The following NOS1AP variants were observed in gnomAD, a reference collection of about 807,000 sequenced individuals.
NOS1AP encodes the protein nitric oxide synthase 1 adaptor protein, also known as carboxyl-terminal PDZ ligand of neuronal nitric oxide synthase protein.
NOS1AP carries 21 observed loss-of-function variants against 56.2 expected under a neutral mutation model. The observed-to-expected ratio is 0.37, with a 90% CI of 0.26 to 0.54. The LOEUF (loss-of-function observed/expected upper bound fraction) is 0.54, where lower values mean the gene tolerates loss of function less well. Among genes scored for constraint, NOS1AP ranks in the 20% least tolerant of loss-of-function variants. The pLI is 0.84. For synonymous variants in NOS1AP, 270 were observed against 274.6 expected, an observed-to-expected ratio of 0.98 and a Z score of 0.17; for missense variants, 522 against 657.8, an observed-to-expected ratio of 0.79 and a Z score of 2.26.
chr1:162,357,944 T>G (rs2101822365), intron 8 of NOS1AP, among the ~76,000 whole-genome samples: 1 of 148,646 alleles, frequency 6.7e-6, no homozygotes. Context: ...GTGAAGACAT[T>G]CATTCATACC....
intron 1 of NOS1AP, among the ~76,000 whole-genome samples, chr1:162,118,935 G>A (rs1263553756): frequency 1.3e-5 from 2 of 152,096 alleles, no homozygotes; most frequent in African/African-American, 4.8e-5. Context: ...GTGGAATTTA[G>A]CATATTATTT....
At chr1:162,257,474 C>T (rs1002854722) in intron 2 of NOS1AP, among the ~76,000 whole-genome samples, 8 of 151,962 alleles carry the variant, frequency 5.3e-5, no homozygotes, top group Admixed American at 4.6e-4. Flanking sequence ...CATGACGAAA[C>T]CCTGTCTCTA....
chr1:162,201,484 G>A (rs556993043), intron 2 of NOS1AP, among the ~76,000 whole-genome samples: 2 of 152,250 alleles, frequency 1.3e-5, no homozygotes, highest in African/African-American at 4.8e-5. Flanking sequence ...AGATTGCTGG[G>A]TTGAATGATA....
intron 4 of NOS1AP, among the ~76,000 whole-genome samples, chr1:162,321,731 A>AAAAAT (rs1480278757): frequency 0.018 from 2,345 of 128,356 alleles, 73 homozygotes; most frequent in African/African-American, 0.063. Context: ...AAAAAAAAAA[A>AAAAAT]ATATATATAT....
At chr1:162,112,843 T>G (rs1558104037) in intron 1 of NOS1AP, among the ~76,000 whole-genome samples, 1 of 152,362 alleles carries the variant, frequency 6.6e-6, no homozygotes, top group East Asian at 1.9e-4. Flanking sequence ...ATTATAAGCA[T>G]GTCAATGCCA....
At chr1:162,255,856 A>G (rs1654011636) in intron 2 of NOS1AP, among the ~76,000 whole-genome samples, 1 of 152,178 alleles carries the variant, frequency 6.6e-6, no homozygotes, top group Admixed American at 6.5e-5. Context: ...AAAATTGGGT[A>G]AATTGATGCT....
chr1:162,078,948 GC>G (rs1691830772), intron 1 of NOS1AP, among the ~76,000 whole-genome samples: 1 of 152,118 alleles, frequency 6.6e-6, no homozygotes, highest in African/African-American at 2.4e-5. Flanking sequence ...ATGTCACTCT[GC>G]CCCCGTGTCT....
In NOS1AP at chr1:162,169,120, G is replaced by A. The variant is rs548096392; in HGVS notation, c.177+14644G>A. Among the ~76,000 whole-genome samples, 7 of 152,296 alleles carry A rather than the reference G, an allele frequency of 4.6e-5. No homozygotes were observed. In the East Asian group the frequency reaches 5.8e-4, roughly 13 times the overall value. On this transcript the variant is annotated intron_variant, in intron 2 of 9. Transcript: ENST00000361897. ...CTAACAGTTCCATTTCCAGATGAGCGCCCTCCGTGCATGGGCTTTGCAGCA... is the reference window on the plus strand; with the variant it reads ...CTAACAGTTCCATTTCCAGATGAGCACCCTCCGTGCATGGGCTTTGCAGCA...
At chr1:162,235,551 C>G (rs1471735175) in intron 2 of NOS1AP, among the ~76,000 whole-genome samples, 2 of 152,216 alleles carry the variant, frequency 1.3e-5, no homozygotes, top group African/African-American at 4.8e-5. Flanking sequence ...GTTTCAGGCT[C>G]TTGGAGCATG....
At chr1:162,298,272 C>T (rs1430852505) in intron 3 of NOS1AP, among the ~76,000 whole-genome samples, 1 of 152,206 alleles carries the variant, frequency 6.6e-6, no homozygotes, top group East Asian at 1.9e-4. Context: ...ATGAGTGTAC[C>T]ACACCACCCT....
chr1:162,202,356 T>C (rs1571123292), intron 2 of NOS1AP, among the ~76,000 whole-genome samples: 1 of 152,312 alleles, frequency 6.6e-6, no homozygotes, highest in African/African-American at 2.4e-5. Flanking sequence ...ATTTGGCACA[T>C]TATATTTTAG....
chr1:162,205,843 C>T (rs763037623), intron 2 of NOS1AP, among the ~76,000 whole-genome samples: 1 of 152,050 alleles, frequency 6.6e-6, no homozygotes, highest in African/African-American at 2.4e-5. Flanking sequence ...AGTGGCTCTT[C>T]GATAGCCTAA....
intron 4 of NOS1AP, among the ~76,000 whole-genome samples, chr1:162,321,063 G>A (rs1402914456): frequency 6.6e-6 from 1 of 151,896 alleles, no homozygotes; most frequent in African/African-American, 2.4e-5. Flanking sequence ...TATGGTTTTG[G>A]GTCTAACATT....
chr1:162,369,881 ACCGACCCT>A lies in NOS1AP; in HGVS notation c.*2417_*2424del, dbSNP rs1375490193. ...TAGGAGCCTTGAAGGATCACCAGCC[ACCGACCCT>A]CCATCAGGGCCAACTGGGCAGGAAA... On this transcript the variant is annotated 3_prime_UTR_variant, in exon 10 of 10. Transcript: ENST00000361897. 1 of 152,336 alleles carries A rather than the reference ACCGACCCT, an allele frequency of 6.6e-6. No homozygotes were observed. The highest frequency in any genetic ancestry group is 2.4e-5 in the African/African-American group (1 of 41,430). 9.4% of individuals were successfully genotyped at this position (152,336 alleles called of 1,614,324 possible). A position where few individuals can be genotyped will look rare whatever the true frequency, so the allele number is the denominator to read the frequency against.
At chr1:162,117,616 A>G (rs548213627) in intron 1 of NOS1AP, among the ~76,000 whole-genome samples, 3 of 152,290 alleles carry the variant, frequency 2.0e-5, no homozygotes, top group African/African-American at 7.2e-5. Context: ...CAGACATGCC[A>G]CTGAGCACAT....
chr1:162,232,748 G>A (rs1653162835), intron 2 of NOS1AP, among the ~76,000 whole-genome samples: 1 of 151,942 alleles, frequency 6.6e-6, no homozygotes, highest in African/African-American at 2.4e-5. Context: ...AAAGCAAATA[G>A]TTATTTGCTT....
chr1:162,232,615 C>T (rs1653158566), intron 2 of NOS1AP, among the ~76,000 whole-genome samples: 1 of 151,912 alleles, frequency 6.6e-6, no homozygotes, highest in Non-Finnish European at 1.5e-5. Context: ...ACAGCTTGCC[C>T]ATTCTGTGGG....
rs192232422 is a variant in NOS1AP at position 162,242,974 on chromosome 1, C to T, written c.178-44370C>T. Among the ~76,000 whole-genome samples, 6 of 144,712 alleles carry T rather than the reference C, an allele frequency of 4.1e-5. No individual in the cohort carries two copies. In the East Asian group the frequency reaches 1.5e-3, roughly 36 times the overall value. 94.9% of individuals were successfully genotyped at this position (144,712 alleles called of 152,430 possible). ...CATGTTGCTTTCGGTTTGAGCTCCTCCCCTATATACGCATACCCATGTATA... is the reference window on the plus strand; with the variant it reads ...CATGTTGCTTTCGGTTTGAGCTCCTTCCCTATATACGCATACCCATGTATA... On this transcript the variant is annotated intron_variant, in intron 2 of 9. Transcript: ENST00000361897.
intron 2 of NOS1AP, among the ~76,000 whole-genome samples, chr1:162,267,582 A>G (rs1654462617): frequency 1.4e-5 from 2 of 146,720 alleles, no homozygotes; most frequent in Non-Finnish European, 3.0e-5. Context: ...TGGGCAACAT[A>G]GACCCTGTCT....
Sources: gnomAD v4.1 joint callset for allele counts (sites outside exome capture counted in the v4.1 genomes callset) on GRCh38, gnomAD v4.1.1 for gene constraint, MANE v1.5 for transcripts, NCBI Gene and HGNC (gene_info 2026-07-23, HGNC 2026-07-21) for gene names.